Variants in GABRG3 observed in about 807,000 individuals in gnomAD.
GABRG3 encodes the protein gamma-aminobutyric acid receptor subunit gamma-3.
A neutral mutation model predicts 48.8 loss-of-function variants in GABRG3; 25 were observed. That is an observed-to-expected ratio of 0.51 (90% CI 0.37 to 0.72). The LOEUF (loss-of-function observed/expected upper bound fraction) is 0.72. Among genes scored for constraint, GABRG3 ranks in the 30% least tolerant of loss-of-function variants. The probability of loss-of-function intolerance (pLI) is 0.00; values close to 1 mark genes in which losing one functional copy is unlikely to be tolerated. For missense variants in GABRG3, 394 were observed against 577.9 expected (o/e 0.68, Z 3.26); for synonymous variants, 227 against 217.6 (o/e 1.04, Z -0.38).
At chr15:27,290,318 T>C (rs944794015) in intron 3 of GABRG3, among the ~76,000 whole-genome samples, 2 of 152,084 alleles carry the variant, frequency 1.3e-5, no homozygotes, top group Admixed American at 6.6e-5. Context: ...AGGTATTTCC[T>C]GCTACGAGAT....
intron 3 of GABRG3, among the ~76,000 whole-genome samples, chr15:27,042,705 A>G (rs1381282128): frequency 6.6e-6 from 1 of 152,138 alleles, no homozygotes; most frequent in Non-Finnish European, 1.5e-5. Context: ...CAGTCTCTCC[A>G]CATGCCCTTG....
intron 3 of GABRG3, chr15:27,161,201 C>T (rs370392423): frequency 6.6e-6 from 1 of 152,190 alleles, no homozygotes; most frequent in South Asian, 2.1e-4. Flanking sequence ...CTGTCAAAAC[C>T]TATGATGGTC....
intron 5 of GABRG3, among the ~76,000 whole-genome samples, chr15:27,424,521 C>T (rs545513250): frequency 6.6e-6 from 1 of 150,732 alleles, no homozygotes; most frequent in Admixed American, 6.6e-5. Flanking sequence ...GAGATCTACT[C>T]TCATGACTTA....
At position 27,528,060 on chromosome 15, in the gene GABRG3, A is replaced by G. The variant is rs572691762; in HGVS notation, c.1122+68A>G. ...ACTAAACTAAGATTGCATTTGAAAG[A>G]TAGATTGCTGTTGATGCATGCATGT... On this transcript the variant is annotated intron_variant, in intron 9 of 9. Coordinates refer to ENST00000615808, the MANE Select transcript of GABRG3 (RefSeq NM_033223.5). 1.9e-5 allele frequency: 22 copies of G among 1,185,272 alleles called. No individual in the cohort carries two copies. In the Admixed American group the frequency reaches 2.8e-4, roughly 15 times the overall value. 73.4% of individuals were successfully genotyped at this position (1,185,272 alleles called of 1,614,324 possible). A position where few individuals can be genotyped will look rare whatever the true frequency, so the allele number is the denominator to read the frequency against.
At chr15:27,000,258 A>G (rs1895418911) in intron 2 of GABRG3, among the ~76,000 whole-genome samples, 1 of 152,118 alleles carries the variant, frequency 6.6e-6, no homozygotes, top group Non-Finnish European at 1.5e-5. Flanking sequence ...TCATATTCCT[A>G]TAGATATTCT....
chr15:27,000,857 A>G (rs1370740914), intron 2 of GABRG3, among the ~76,000 whole-genome samples: 1 of 152,196 alleles, frequency 6.6e-6, no homozygotes, highest in Non-Finnish European at 1.5e-5. Flanking sequence ...ATATTTCTTT[A>G]TAGCAATGCA....
At chr15:27,047,422 G>A (rs1454608627) in intron 3 of GABRG3, among the ~76,000 whole-genome samples, 1 of 152,136 alleles carries the variant, frequency 6.6e-6, no homozygotes, top group African/African-American at 2.4e-5. Flanking sequence ...CCCATGGCCT[G>A]GCTTACAGGG....
At chr15:27,365,372 C>G (rs1410899012) in intron 5 of GABRG3, 2 of 149,480 alleles carry the variant, frequency 1.3e-5, no homozygotes, top group East Asian at 3.9e-4. Context: ...GTCCGCAGTG[C>G]AAGATCCAGT....
chr15:27,015,258 A>T (rs1895757328), intron 2 of GABRG3, among the ~76,000 whole-genome samples: 1 of 152,044 alleles, frequency 6.6e-6, no homozygotes, highest in African/African-American at 2.4e-5. Context: ...TAATCCATTT[A>T]CTTAGAAAGT....
intron 3 of GABRG3, among the ~76,000 whole-genome samples, chr15:27,117,770 T>A (rs1257144337): frequency 6.6e-6 from 1 of 152,182 alleles, no homozygotes; most frequent in East Asian, 1.9e-4. Flanking sequence ...ATGACAACAA[T>A]AATAACCAAT....
At chr15:27,464,302 A>G (rs1889538711) in intron 5 of GABRG3, among the ~76,000 whole-genome samples, 1 of 152,060 alleles carries the variant, frequency 6.6e-6, no homozygotes, top group South Asian at 2.1e-4. Flanking sequence ...CCACTGATCT[A>G]TTTTCTGCTC....
intron 3 of GABRG3, among the ~76,000 whole-genome samples, chr15:27,124,641 A>C (rs1396186370): frequency 6.6e-6 from 1 of 152,186 alleles, no homozygotes; most frequent in Non-Finnish European, 1.5e-5. Flanking sequence ...AGCCTGACTC[A>C]GCGCCTCTTG....
chr15:27,072,134 C>T (rs1262316840), intron 3 of GABRG3, among the ~76,000 whole-genome samples: 3 of 152,224 alleles, frequency 2.0e-5, no homozygotes, highest in African/African-American at 7.2e-5. Flanking sequence ...TGACAGCTTC[C>T]TTCTGCTCCT....
At chr15:27,307,831 C>CATAAAATAAACATGTTTATATATAAAT (rs1892706276) in intron 3 of GABRG3, among the ~76,000 whole-genome samples, 1 of 107,662 alleles carries the variant, frequency 9.3e-6, no homozygotes, top group Non-Finnish European at 1.8e-5. Flanking sequence ...TAAACATAAA[C>CATAAAATAAACATGTTTATATATAAAT]ATATATAAAA....
intron 5 of GABRG3, among the ~76,000 whole-genome samples, chr15:27,466,766 G>T (rs1226221602): frequency 6.6e-6 from 1 of 152,186 alleles, no homozygotes; most frequent in Non-Finnish European, 1.5e-5. Flanking sequence ...GACCCCAAGG[G>T]TAAGCATGGT....
intron 3 of GABRG3, among the ~76,000 whole-genome samples, chr15:27,308,021 A>G (rs1199554407): frequency 7.1e-6 from 1 of 140,068 alleles, no homozygotes; most frequent in African/African-American, 2.6e-5. Context: ...TATATATAAA[A>G]TAAACATGTT....
chr15:27,016,797 G>T (rs886471679), intron 2 of GABRG3, among the ~76,000 whole-genome samples: 81 of 151,340 alleles, frequency 5.4e-4, no homozygotes, highest in Non-Finnish European at 8.7e-4. Flanking sequence ...TCTTTTTTTT[G>T]TTTTTGCTTG....
At chr15:27,021,368 A>G (rs980802714) in intron 2 of GABRG3, among the ~76,000 whole-genome samples, 1 of 152,208 alleles carries the variant, frequency 6.6e-6, no homozygotes, top group Admixed American at 6.5e-5. Flanking sequence ...AGGGTAAATC[A>G]CACAGACCTG....
chr15:27,354,101 A>G (rs1265255461), intron 5 of GABRG3, among the ~76,000 whole-genome samples: 1 of 152,184 alleles, frequency 6.6e-6, no homozygotes, highest in Non-Finnish European at 1.5e-5. Context: ...CCGACTAAGA[A>G]GCTGGATGCC....
Sources: allele counts gnomAD v4.1 joint callset (sites outside exome capture counted in the v4.1 genomes callset), GRCh38; gene constraint gnomAD v4.1.1; transcripts MANE v1.5; gene names NCBI Gene and HGNC (gene_info 2026-07-23, HGNC 2026-07-21).